ABTB3: variants seen among roughly 807,000 people sequenced by gnomAD.
The protein encoded by ABTB3 is ankyrin repeat- and BTB/POZ domain-containing protein 3.
chr12:107,346,752 C>T, the ABTB3 span, among the ~76,000 whole-genome samples: 1 of 152,238 alleles, frequency 6.6e-6, no homozygotes, highest in African/African-American at 2.4e-5. Context: ...AGCCACCATG[C>T]CCGGTGAGTC....
the ABTB3 span, among the ~76,000 whole-genome samples, chr12:107,558,798 T>C: frequency 6.6e-6 from 1 of 152,236 alleles, no homozygotes; most frequent in Non-Finnish European, 1.5e-5. Flanking sequence ...TCTCAGCTAC[T>C]GTTATTTTGC....
At chr12:107,407,597 T>C in the ABTB3 span, among the ~76,000 whole-genome samples, 2 of 152,198 alleles carry the variant, frequency 1.3e-5, no homozygotes, top group African/African-American at 4.8e-5. Flanking sequence ...TTCTGCCTCA[T>C]TCTGTTGGTA....
At chr12:107,469,940 T>C in the ABTB3 span, among the ~76,000 whole-genome samples, 3,341 of 57,854 alleles carry the variant, frequency 0.058, 375 homozygotes, top group African/African-American at 0.13. Context: ...CTCTCTTTCT[T>C]TCTCTTTCTT....
the ABTB3 span, among the ~76,000 whole-genome samples, chr12:107,452,609 G>A: frequency 6.6e-6 from 1 of 152,098 alleles, no homozygotes; most frequent in Non-Finnish European, 1.5e-5. Flanking sequence ...CCGGGCCAAG[G>A]GGGGTGGATC....
the ABTB3 span, among the ~76,000 whole-genome samples, chr12:107,499,657 G>A: frequency 6.6e-6 from 1 of 151,522 alleles, no homozygotes; most frequent in Non-Finnish European, 1.5e-5. Context: ...GCGGCAAGAG[G>A]GGGCAGGGGG....
At chr12:107,489,141 G>C in the ABTB3 span, among the ~76,000 whole-genome samples, 60 of 152,300 alleles carry the variant, frequency 3.9e-4, no homozygotes, top group African/African-American at 1.4e-3. Flanking sequence ...GCTGATGAAG[G>C]TGTGGTAAGA....
At chr12:107,512,777 T>G in the ABTB3 span, among the ~76,000 whole-genome samples, 22 of 152,202 alleles carry the variant, frequency 1.4e-4, no homozygotes, top group African/African-American at 1.7e-4. Flanking sequence ...CCCTATAAAG[T>G]AGAGATAATA....
chr12:107,586,187 C>G, the ABTB3 span, among the ~76,000 whole-genome samples: 1 of 152,114 alleles, frequency 6.6e-6, no homozygotes, highest in Non-Finnish European at 1.5e-5. Flanking sequence ...TAAAGAAAGG[C>G]TTGGTATCTT....
the ABTB3 span, among the ~76,000 whole-genome samples, chr12:107,340,449 A>G: frequency 6.6e-6 from 1 of 152,192 alleles, no homozygotes; most frequent in Non-Finnish European, 1.5e-5. Flanking sequence ...CAAAATTTAA[A>G]CAAAACCAAA....
At chr12:107,419,188 G>A in the ABTB3 span, among the ~76,000 whole-genome samples, 1 of 152,236 alleles carries the variant, frequency 6.6e-6, no homozygotes, top group Non-Finnish European at 1.5e-5. Context: ...GAGACCAGGG[G>A]AACCAGCTGG....
the ABTB3 span, among the ~76,000 whole-genome samples, chr12:107,519,516 C>T: frequency 6.6e-6 from 1 of 152,116 alleles, no homozygotes; most frequent in African/African-American, 2.4e-5. Flanking sequence ...CGGTGTTTCG[C>T]CATGTTGGCC....
chr12:107,451,500 G>C, the ABTB3 span, among the ~76,000 whole-genome samples: 1 of 152,152 alleles, frequency 6.6e-6, no homozygotes, highest in African/African-American at 2.4e-5. Context: ...CTGTGCACAA[G>C]CGCCAGAACA....
the ABTB3 span, among the ~76,000 whole-genome samples, chr12:107,651,441 T>C: frequency 6.6e-6 from 1 of 152,164 alleles, no homozygotes; most frequent in East Asian, 1.9e-4. Context: ...TGGGTATGAA[T>C]TGAGTTTGCT....
At chr12:107,452,236 T>C in the ABTB3 span, among the ~76,000 whole-genome samples, 1 of 131,350 alleles carries the variant, frequency 7.6e-6, no homozygotes, top group Non-Finnish European at 1.6e-5. Flanking sequence ...TGAGACGGAG[T>C]CTCACTCTGT....
chr12:107,541,257 T>G, the ABTB3 span, among the ~76,000 whole-genome samples: 2 of 152,144 alleles, frequency 1.3e-5, no homozygotes, highest in Admixed American at 1.3e-4. Flanking sequence ...ATTTGGATGT[T>G]AGGTAAATGT....
At chr12:107,468,585 G>A in the ABTB3 span, among the ~76,000 whole-genome samples, 2 of 152,094 alleles carry the variant, frequency 1.3e-5, no homozygotes, top group Non-Finnish European at 2.9e-5. Flanking sequence ...CTATAAAGAC[G>A]GGCTGCGGAT....
At chr12:107,509,296 C>A in the ABTB3 span, among the ~76,000 whole-genome samples, 1 of 152,304 alleles carries the variant, frequency 6.6e-6, no homozygotes, top group South Asian at 2.1e-4. Context: ...CTTAGGCAGT[C>A]TGAAGCCAAA....
chr12:107,368,236 G>C, the ABTB3 span, among the ~76,000 whole-genome samples: 79 of 152,328 alleles, frequency 5.2e-4, no homozygotes, highest in South Asian at 0.016. Flanking sequence ...CAACACGGCA[G>C]AGAGATGAGC....
At chr12:107,623,782 C>A in the ABTB3 span, among the ~76,000 whole-genome samples, 1 of 152,174 alleles carries the variant, frequency 6.6e-6, no homozygotes, top group Non-Finnish European at 1.5e-5. Context: ...CTTTATCCTT[C>A]TGGAGCTTAC....
Sources: gnomAD v4.1 joint callset for allele counts (sites outside exome capture counted in the v4.1 genomes callset) on GRCh38, gnomAD v4.1.1 for gene constraint, MANE v1.5 for transcripts, NCBI Gene and HGNC (gene_info 2026-07-23, HGNC 2026-07-21) for gene names.